The following SSUH2 variants were observed in gnomAD, a reference collection of about 807,000 sequenced individuals.
SSUH2 encodes the protein ssu-2 homolog.
In SSUH2, 47 loss-of-function variants were observed where a neutral mutation model predicts 55.3. That is an observed-to-expected ratio of 0.85 (90% CI 0.67 to 1.08). The LOEUF (loss-of-function observed/expected upper bound fraction) is 1.08, where lower values mean the gene tolerates loss of function less well. Among genes scored for constraint, SSUH2 ranks in the 50% least tolerant of loss-of-function variants. The pLI is 0.00. For missense variants in SSUH2, 535 were observed against 490.7 expected (o/e 1.09, Z -0.85); for synonymous variants, 212 against 191.5 (o/e 1.11, Z -0.89).
intron 4 of SSUH2, among the ~76,000 whole-genome samples, chr3:8,632,837 C>G (rs928461952): frequency 6.6e-6 from 1 of 152,186 alleles, no homozygotes; most frequent in African/African-American, 2.4e-5. Flanking sequence ...CTGGGGGAGG[C>G]AGAGGGAGCT....
At chr3:8,623,411 T>C (rs1696846419) in intron 11 of SSUH2, 138 bp downstream of exon 11, 4 of 653,506 alleles carry the variant, frequency 6.1e-6, no homozygotes, top group East Asian at 2.8e-5. Flanking sequence ...GGTCAGGCCC[T>C]ACCCCTTCCC....
upstream of SSUH2, among the ~76,000 whole-genome samples, chr3:8,647,628 G>C (rs776889853): frequency 4.7e-4 from 71 of 152,300 alleles, 1 homozygote; most frequent in Non-Finnish European, 8.5e-4. Context: ...CTATTGCTCA[G>C]CTCCTGCTGG....
At chr3:8,677,563 A>G (rs1431729154) in intron 2 of SSUH2, among the ~76,000 whole-genome samples, 1 of 150,836 alleles carries the variant, frequency 6.6e-6, no homozygotes, top group African/African-American at 2.4e-5. Flanking sequence ...GGGCTACCCG[A>G]TCTGACACAG....
chr3:8,623,568 C>A lies in SSUH2; in HGVS notation c.962G>T (p.Arg321Leu). ...GCTCACCTGCTGCAGGACGCGGGCA[C>A]GGGAGGCCAAGGCAGCGCTGTGCTC... Reference protein sequence around the residue: ...IAEHSAALASRARVLQQRQTI... With the variant: ...IAEHSAALASLARVLQQRQTI... The change falls in exon 11 of 12, where the codon CGT (arginine) becomes CTT (leucine). Residue 321 changes from arginine to leucine, a missense_variant. By Grantham distance (102) the Arg-to-Leu change is moderately radical. Coordinates refer to ENST00000544814, the MANE Select transcript of SSUH2 (RefSeq NM_001256748.3). 6.5e-7 allele frequency: 1 copy of A among 1,550,366 alleles called. No homozygotes were observed. The highest frequency in any genetic ancestry group is 8.7e-7 in the Non-Finnish European group (1 of 1,145,972).
At chr3:8,662,570 A>G (rs1240548957) in intron 6 of SSUH2, among the ~76,000 whole-genome samples, 1 of 152,246 alleles carries the variant, frequency 6.6e-6, no homozygotes, top group Non-Finnish European at 1.5e-5. Context: ...TAGCAAAATC[A>G]AGGAAGGAAT....
In SSUH2 at chr3:8,635,731, C is replaced by G. The variant is rs1446811063; in HGVS notation, c.127+28G>C. Reference sequence around the variant, plus strand: ...CCAGCGTGAGCCCTAGGTAGAAGCCCAAAGAACCAAGCCCTCTTGGAACTT... The same window carrying G: ...CCAGCGTGAGCCCTAGGTAGAAGCCGAAAGAACCAAGCCCTCTTGGAACTT... On this transcript the variant is annotated intron_variant, in intron 2 of 11. Coordinates refer to ENST00000544814, the MANE Select transcript of SSUH2 (RefSeq NM_001256748.3). 6.6e-6 allele frequency: 10 copies of G among 1,525,374 alleles called. No individual in the cohort carries two copies. In the South Asian group the frequency reaches 1.2e-4, roughly 18 times the overall value. The allele number at this position is 1,525,374 out of a possible 1,614,324, so 94.5% of individuals were successfully genotyped here.
chr3:8,676,177 G>A (rs1487438402), intron 3 of SSUH2, among the ~76,000 whole-genome samples: 2 of 151,984 alleles, frequency 1.3e-5, no homozygotes, highest in African/African-American at 4.8e-5. Context: ...CTCCCCCTCT[G>A]GAGATTATGA....
intron 7 of SSUH2, among the ~76,000 whole-genome samples, chr3:8,651,463 G>T (rs764849304): frequency 1.3e-5 from 2 of 152,276 alleles, no homozygotes; most frequent in Admixed American, 6.5e-5. Context: ...GCAGACCATG[G>T]CCCAGGGCTT....
At chr3:8,627,675 C>T (rs1533001) in intron 8 of SSUH2, 23 bp downstream of exon 8, 13 of 1,498,938 alleles carry the variant, frequency 8.7e-6, no homozygotes, top group Non-Finnish European at 1.2e-5. Context: ...CACTTCACCG[C>T]GGTGCTGGGG....
intron 5 of SSUH2, among the ~76,000 whole-genome samples, chr3:8,669,289 C>T (rs1302427812): frequency 6.6e-6 from 1 of 152,142 alleles, no homozygotes; most frequent in Non-Finnish European, 1.5e-5. Flanking sequence ...GTAACAAAAA[C>T]ATTTTTTATA....
At chr3:8,650,182 C>A (rs1431267079) in intron 7 of SSUH2, among the ~76,000 whole-genome samples, 1 of 152,148 alleles carries the variant, frequency 6.6e-6, no homozygotes. Flanking sequence ...AATTGAACAC[C>A]CTGCCGCCAC....
rs1425104944 is a variant in SSUH2 at position 8,629,825 on chromosome 3, C to T, written c.526-99G>A. The T allele has an allele frequency of 1.0e-5, 12 of 1,153,162 alleles. No homozygotes were observed. The African/African-American group carries it at 1.5e-4, about 15-fold the overall frequency. 71.4% of individuals were successfully genotyped at this position (1,153,162 alleles called of 1,614,324 possible). A position where few individuals can be genotyped will look rare whatever the true frequency, so the allele number is the denominator to read the frequency against. On this transcript the variant is annotated intron_variant, in intron 6 of 11. Coordinates refer to ENST00000544814, the MANE Select transcript of SSUH2 (RefSeq NM_001256748.3). The stretch of plus-strand genomic sequence containing the variant: ...AAACCGAAGGTGGAGTGGATCAGGA[C>T]CAGGATAGGAAGATGGCACAGGAAA...
At chr3:8,659,002 A>G (rs769310508) in exon 7 of SSUH2, 2 of 152,272 alleles carry the variant, frequency 1.3e-5, no homozygotes, top group Non-Finnish European at 2.9e-5. Context: ...GTACTATTAC[A>G]AGGCCCATTT....
chr3:8,649,703 G>A (rs759753030), upstream of SSUH2, among the ~76,000 whole-genome samples: 3 of 151,836 alleles, frequency 2.0e-5, no homozygotes, highest in South Asian at 2.1e-4. Flanking sequence ...GCTCCCACTC[G>A]TGCCTGAGCC....
rs368994618 is a variant in SSUH2 at position 8,633,717 on chromosome 3, C to T, written c.288G>A (p.Thr96=). 234 of 1,555,826 alleles carry T rather than the reference C, an allele frequency of 1.5e-4. No individual in the cohort carries two copies. Among genetic ancestry groups the T allele is most frequent in the Middle Eastern group, 1.8e-4 (1 of 5,526 alleles). The change falls in exon 4 of 12, where the codon ACG becomes ACA. Residue 96 remains threonine (T), a synonymous_variant. Coordinates refer to ENST00000544814, the MANE Select transcript of SSUH2 (RefSeq NM_001256748.3). ...FVDSKCCYSS[T]VAGDLVIQEL... ...CCTGGATGACGAGGTCTCCAGCCAC[C>T]GTGCTGCTGTAGCAGCACTTAGAGT... is the stretch of plus-strand genomic sequence containing the variant.
intron 7 of SSUH2, among the ~76,000 whole-genome samples, chr3:8,658,150 C>A (rs1458544091): frequency 1.3e-5 from 2 of 152,324 alleles, no homozygotes; most frequent in Middle Eastern, 3.4e-3. Context: ...CTGGGGATGA[C>A]CCTCATGGAG....
chr3:8,675,338 C>T (rs1328185548), intron 3 of SSUH2, among the ~76,000 whole-genome samples: 1 of 152,212 alleles, frequency 6.6e-6, no homozygotes, highest in Non-Finnish European at 1.5e-5. Flanking sequence ...AACTCCCCCA[C>T]CATCTTCGGG....
At chr3:8,670,089 G>GC (rs201862320) in intron 5 of SSUH2, among the ~76,000 whole-genome samples, 21 of 145,284 alleles carry the variant, frequency 1.4e-4, no homozygotes, top group East Asian at 1.3e-3. Context: ...ATATCCCTAG[G>GC]CCCCCCAGAG....
rs1186855036 is a variant in SSUH2 at position 8,679,207 on chromosome 3, A to AAG, written c.-901+497_-901+498insCT. The stretch of plus-strand genomic sequence containing the variant: ...CACTGGCTCTTGGGACCCCCATCGC[A>AAG]GGGGGGATGGCACCCTCCGTGAGCG... On this transcript the variant is annotated intron_variant, in intron 2 of 18. Transcript: ENST00000317371. 5.0e-4 allele frequency among the ~76,000 whole-genome samples: 23 copies of AAG among 45,846 alleles called. 3 individuals are homozygous for AAG. The highest frequency in any genetic ancestry group is 2.5e-3 in the Admixed American group (11 of 4,344). The allele number at this position is 45,846 out of a possible 152,430, so 30.1% of individuals were successfully genotyped here. A position where few individuals can be genotyped will look rare whatever the true frequency, so the allele number is the denominator to read the frequency against.
Sources: gnomAD v4.1 joint callset for allele counts (sites outside exome capture counted in the v4.1 genomes callset) on GRCh38, gnomAD v4.1.1 for gene constraint, MANE v1.5 for transcripts, NCBI Gene and HGNC (gene_info 2026-07-23, HGNC 2026-07-21) for gene names.